The following SPANXN1 variants were observed in gnomAD, a reference collection of about 807,000 sequenced individuals.
The protein encoded by SPANXN1 is sperm protein associated with the nucleus on the X chromosome N1.
In SPANXN1, 1 loss-of-function variant was observed where a neutral mutation model predicts 2.0. That is an observed-to-expected ratio of 0.50 (90% CI 0.18 to 2.36). The LOEUF is 2.36. SPANXN1 is among the 30% of genes most tolerant of loss of function. The pLI, the probability that SPANXN1 is intolerant of heterozygous loss-of-function variation, is 0.26. For missense variants in SPANXN1, 55 were observed against 51.8 expected, an observed-to-expected ratio of 1.06 and a Z score of -0.19; for synonymous variants, 27 against 21.3, an observed-to-expected ratio of 1.27 and a Z score of -0.74.
intron 1 of SPANXN1, among the ~76,000 whole-genome samples, chrX:145,252,342 T>C (rs782431991): frequency 1.8e-5 from 2 of 109,879 alleles, no homozygotes; most frequent in African/African-American, 6.6e-5. Context: ...GAGAGTAGAG[T>C]ATATGGGTTG....
intron 1 of SPANXN1, among the ~76,000 whole-genome samples, chrX:145,251,325 G>A (rs1172343368): frequency 8.9e-6 from 1 of 111,893 alleles, no homozygotes; most frequent in Non-Finnish European, 1.9e-5. Flanking sequence ...TATGAATAAG[G>A]CATGTACCTG....
chrX:145,252,797 G>A (rs1556882632), intron 1 of SPANXN1, among the ~76,000 whole-genome samples: 1 of 110,558 alleles, frequency 9.0e-6, no homozygotes, highest in African/African-American at 3.3e-5. Flanking sequence ...CAAGATAGGG[G>A]TAGGGGACTG....
chrX:145,255,545 G>C lies in SPANXN1; in HGVS notation c.76-126G>C, dbSNP rs140317407. On this transcript the variant is annotated intron_variant, in intron 1 of 1. Coordinates refer to ENST00000370493, the MANE Select transcript of SPANXN1 (RefSeq NM_001009614.3). ...GATCCCTACCCTATGATTCAACCTT[G>C]TTCTTCTCTGGCACACACCCCTTCC... The C allele has an allele frequency of 1.4e-3, 1,390 of 1,014,953 alleles. 8 individuals are homozygous for C. The African/African-American group carries it at 0.018, about 13-fold the overall frequency. The allele number at this position is 1,014,953 out of a possible 1,213,427, so 83.6% of individuals were successfully genotyped here.
rs115690241 is a variant in SPANXN1 at position 145,252,759 on chromosome X, T to C, written c.76-2912T>C. On this transcript the variant is annotated intron_variant, in intron 1 of 1. Transcript: ENST00000370493. ...TTGTAGGAGCCACATTGCATGGAGG[T>C]CTGGGATTTACTTAATATGTCCCAC... is the stretch of plus-strand genomic sequence containing the variant. Among the ~76,000 whole-genome samples, 934 of 109,483 alleles carry C rather than the reference T, an allele frequency of 8.5e-3. 15 individuals carry two copies. The highest frequency in any genetic ancestry group is 0.03 in the African/African-American group (898 of 29,967).
chrX:145,250,709 C>A (rs1329333280), intron 1 of SPANXN1, among the ~76,000 whole-genome samples: 1 of 111,087 alleles, frequency 9.0e-6, no homozygotes. Context: ...AAAAAATGAG[C>A]AATAACGATG....
At chrX:145,252,711 A>G (rs1370900922) in intron 1 of SPANXN1, among the ~76,000 whole-genome samples, 11 of 110,209 alleles carry the variant, frequency 1.0e-4, no homozygotes, top group African/African-American at 3.3e-4. Context: ...TTTGGGTGTC[A>G]GAGTAAAATA....
intron 1 of SPANXN1, among the ~76,000 whole-genome samples, chrX:145,250,191 C>T (rs1164945264): frequency 8.9e-6 from 1 of 111,982 alleles, no homozygotes. Context: ...CATTGTCTGA[C>T]TGGATGCAAG....
At chrX:145,254,275 A>G (rs1490117398) in intron 1 of SPANXN1, among the ~76,000 whole-genome samples, 7 of 112,128 alleles carry the variant, frequency 6.2e-5, no homozygotes, top group Non-Finnish European at 1.9e-5. Flanking sequence ...GTGAGCTGTG[A>G]ACGAAGATAA....
At chrX:145,254,579 C>A (rs1421394849) in intron 1 of SPANXN1, among the ~76,000 whole-genome samples, 1 of 112,355 alleles carries the variant, frequency 8.9e-6, no homozygotes, top group Middle Eastern at 4.2e-3. Flanking sequence ...GAGGCCGGAG[C>A]GGCCAGAGTG....
chrX:145,255,380 G>C (rs1337062364), intron 1 of SPANXN1, among the ~76,000 whole-genome samples: 3 of 111,566 alleles, frequency 2.7e-5, no homozygotes, highest in African/African-American at 9.8e-5. Flanking sequence ...CAGGTGGTTA[G>C]GCAGGATGTT....
At position 145,254,512 on chromosome X, in the gene SPANXN1, C is replaced by T. The variant is rs782495817; in HGVS notation, c.76-1159C>T. Among the ~76,000 whole-genome samples the T allele has an allele frequency of 8.0e-5, 9 of 111,963 alleles. No individual in the cohort carries two copies. In the East Asian group the frequency reaches 8.5e-4, roughly 11 times the overall value. On this transcript the variant is annotated intron_variant, in intron 1 of 1. Transcript: ENST00000370493. ...CCAGAGGAAAGTGAGTACTTGATTC[C>T]GCCTGGAAGAAGGGACCTGGAGAGT...
intron 1 of SPANXN1, among the ~76,000 whole-genome samples, chrX:145,250,396 C>T (rs1184512748): frequency 3.6e-5 from 4 of 110,700 alleles, no homozygotes; most frequent in African/African-American, 9.9e-5. Context: ...CCTCAGGCCT[C>T]GTGTGTTGGA....
At chrX:145,253,498 G>A (rs1203664221) in intron 1 of SPANXN1, among the ~76,000 whole-genome samples, 1 of 110,732 alleles carries the variant, frequency 9.0e-6, no homozygotes, top group Non-Finnish European at 1.9e-5. Context: ...GGTCGATTTT[G>A]CCCTTATTGT....
chrX:145,248,105 TG>T (rs1407581292), intron 1 of SPANXN1, among the ~76,000 whole-genome samples: 1 of 112,045 alleles, frequency 8.9e-6, no homozygotes, highest in African/African-American at 3.2e-5. Flanking sequence ...AATGGTGGTT[TG>T]GACTCACATT....
chrX:145,252,870 G>A (rs1237859138), intron 1 of SPANXN1, among the ~76,000 whole-genome samples: 3 of 110,449 alleles, frequency 2.7e-5, no homozygotes, highest in African/African-American at 9.9e-5. Context: ...TAAAGGACGA[G>A]TCTGTGCCTA....
intron 1 of SPANXN1, among the ~76,000 whole-genome samples, chrX:145,249,036 T>G (rs141086132): frequency 9.1e-6 from 1 of 110,458 alleles, no homozygotes; most frequent in Non-Finnish European, 1.9e-5. Context: ...CTGTGTGTGA[T>G]GGTGTGGGTG....
At chrX:145,255,607 A>G in intron 1 of SPANXN1, 64 bp from the exon 2 acceptor site, 2 of 1,200,948 alleles carry the variant, frequency 1.7e-6, no homozygotes, top group Non-Finnish European at 2.2e-6. Flanking sequence ...CCCCCTTGCT[A>G]TCCAGTCTCT....
intron 1 of SPANXN1, among the ~76,000 whole-genome samples, chrX:145,253,076 G>A (rs1556882671): frequency 9.0e-6 from 1 of 111,379 alleles, no homozygotes; most frequent in African/African-American, 3.3e-5. Flanking sequence ...GGCCCCGTCT[G>A]TCTTCAGGTA....
In SPANXN1 at chrX:145,255,890, G is replaced by A; in HGVS notation, c.*76G>A. On this transcript the variant is annotated 3_prime_UTR_variant, in exon 2 of 2. Coordinates refer to ENST00000370493, the MANE Select transcript of SPANXN1 (RefSeq NM_001009614.3). ...AGCTGAAGGATCTTCAAAGCAGGAT[G>A]AAGACCTAGACTTACCTGAAGGCCT... The A allele has an allele frequency of 8.3e-7, 1 of 1,207,816 alleles. No individual in the cohort carries two copies. The highest frequency in any genetic ancestry group is 1.8e-5 in the South Asian group (1 of 56,858).
Sources: allele counts gnomAD v4.1 joint callset (sites outside exome capture counted in the v4.1 genomes callset), GRCh38; gene constraint gnomAD v4.1.1; transcripts MANE v1.5; gene names NCBI Gene and HGNC (gene_info 2026-07-23, HGNC 2026-07-21).